The following TM9SF3 variants were observed in gnomAD, a reference collection of about 807,000 sequenced individuals.
The protein encoded by TM9SF3 is transmembrane 9 superfamily member 3, also known as SM-11044-binding protein.
Under a neutral mutation model 78.6 loss-of-function variants are expected in TM9SF3, and 14 were observed. The ratio of observed to expected loss-of-function variants is 0.18; its 90% CI spans 0.12 to 0.28. The LOEUF (loss-of-function observed/expected upper bound fraction) is 0.28, where lower values mean the gene tolerates loss of function less well. Among genes scored for constraint, TM9SF3 ranks in the 10% least tolerant of loss-of-function variants. The pLI, the probability that TM9SF3 is intolerant of heterozygous loss-of-function variation, is 1.00. For synonymous variants in TM9SF3, 231 were observed against 241.7 expected, an observed-to-expected ratio of 0.96 and a Z score of 0.41; for missense variants, 496 against 721.9, an observed-to-expected ratio of 0.69 and a Z score of 3.59.
In TM9SF3 at chr10:96,522,190, G is replaced by A; in HGVS notation, c.*73C>T. On this transcript the variant is annotated 3_prime_UTR_variant, in exon 15 of 15. Coordinates refer to ENST00000371142, the MANE Select transcript of TM9SF3 (RefSeq NM_020123.4). The stretch of plus-strand genomic sequence containing the variant: ...AAAGCCCAAATCTCTTCTTGCGTTT[G>A]TTTGTTTTTGCTGTGCAAGTTCCAC... 2.3e-6 allele frequency: 3 copies of A among 1,311,420 alleles called. No individual in the cohort carries two copies. Among genetic ancestry groups the A allele is most frequent in the Non-Finnish European group, 3.2e-6 (3 of 933,674 alleles). The allele number at this position is 1,311,420 out of a possible 1,614,324, so 81.2% of individuals were successfully genotyped here.
At chr10:96,581,654 C>A (rs1472418585) in intron 1 of TM9SF3, among the ~76,000 whole-genome samples, 1 of 152,196 alleles carries the variant, frequency 6.6e-6, no homozygotes, top group Non-Finnish European at 1.5e-5. Context: ...CTCACAAATT[C>A]ACTTATAGTA....
At chr10:96,585,560 G>A (rs923478160) in intron 1 of TM9SF3, among the ~76,000 whole-genome samples, 2 of 152,228 alleles carry the variant, frequency 1.3e-5, no homozygotes, top group Non-Finnish European at 2.9e-5. Flanking sequence ...GGCTGTGACC[G>A]AAGGTAGAAC....
intron 2 of TM9SF3, among the ~76,000 whole-genome samples, chr10:96,574,166 TC>T (rs1447700011): frequency 6.6e-6 from 1 of 152,132 alleles, no homozygotes; most frequent in Non-Finnish European, 1.5e-5. Flanking sequence ...ATTTTTGCAA[TC>T]AATCCATCTG....
At chr10:96,533,885 A>G (rs538484207) in intron 9 of TM9SF3, among the ~76,000 whole-genome samples, 1 of 152,336 alleles carries the variant, frequency 6.6e-6, no homozygotes, top group South Asian at 2.1e-4. Context: ...AATTAGAAAC[A>G]TTTATTTTTG....
chr10:96,527,624 C>T, intron 12 of TM9SF3, 128 bp from the exon 13 acceptor site: 2 of 671,324 alleles, frequency 3.0e-6, no homozygotes, highest in East Asian at 5.6e-5. Flanking sequence ...AAAACAAATG[C>T]ATAGACATGG....
intron 9 of TM9SF3, among the ~76,000 whole-genome samples, chr10:96,540,108 A>G (rs977838517): frequency 6.6e-6 from 1 of 152,186 alleles, no homozygotes; most frequent in African/African-American, 2.4e-5. Flanking sequence ...TGCTGCCTTC[A>G]TTATTTCATA....
chr10:96,564,175 C>A (rs1354929912), intron 3 of TM9SF3, among the ~76,000 whole-genome samples: 2 of 151,508 alleles, frequency 1.3e-5, no homozygotes, highest in African/African-American at 4.9e-5. Context: ...ACCGGTAGTC[C>A]CAGCTGCTCA....
intron 9 of TM9SF3, among the ~76,000 whole-genome samples, chr10:96,533,875 A>G (rs1026242628): frequency 2.0e-5 from 3 of 152,220 alleles, no homozygotes; most frequent in African/African-American, 7.2e-5. Flanking sequence ...CAAAGTGGCC[A>G]ATTAGAAACA....
At chr10:96,561,702 G>A (rs111784084) in intron 4 of TM9SF3, among the ~76,000 whole-genome samples, 86 of 152,274 alleles carry the variant, frequency 5.6e-4, no homozygotes, top group African/African-American at 1.8e-3. Context: ...ACATGACTGG[G>A]TTAGTCTAAT....
intron 2 of TM9SF3, among the ~76,000 whole-genome samples, chr10:96,565,802 G>A (rs917431245): frequency 5.3e-5 from 8 of 151,966 alleles, no homozygotes; most frequent in Admixed American, 2.0e-4. Context: ...TCAAGAATAT[G>A]GTCATAAACA....
chr10:96,586,946 AGAC>A lies in TM9SF3; in HGVS notation c.-114_-112del. On this transcript the variant is annotated 5_prime_UTR_variant, in exon 1 of 15. Transcript: ENST00000371142. ...CGATTCGCATCCACGGGGCGCGGAC[AGAC>A]GCACGGGGCCCGGCCCAGCCGCTGC... The A allele has an allele frequency of 1.1e-6, 1 of 881,108 alleles. No individual in the cohort carries two copies. The highest frequency in any genetic ancestry group is 5.0e-5 in the East Asian group (1 of 19,910). 54.6% of individuals were successfully genotyped at this position (881,108 alleles called of 1,614,324 possible).
At chr10:96,530,857 G>A (rs1007107870) in intron 10 of TM9SF3, among the ~76,000 whole-genome samples, 7 of 152,154 alleles carry the variant, frequency 4.6e-5, no homozygotes, top group Non-Finnish European at 1.0e-4. Context: ...ACAAATTACT[G>A]ACACTGGCAG....
chr10:96,535,453 G>C (rs1174184579), intron 9 of TM9SF3, among the ~76,000 whole-genome samples: 1 of 152,170 alleles, frequency 6.6e-6, no homozygotes, highest in African/African-American at 2.4e-5. Context: ...TATTAGATTT[G>C]TATTCATCAC....
intron 2 of TM9SF3, among the ~76,000 whole-genome samples, chr10:96,566,707 A>C (rs1848375150): frequency 6.6e-6 from 1 of 151,948 alleles, no homozygotes; most frequent in African/African-American, 2.4e-5. Flanking sequence ...AAACAACAAC[A>C]AAAAAAACCC....
intron 9 of TM9SF3, among the ~76,000 whole-genome samples, chr10:96,537,120 G>T (rs944176917): frequency 6.6e-6 from 1 of 152,190 alleles, no homozygotes; most frequent in Non-Finnish European, 1.5e-5. Flanking sequence ...TCAGTTGTAC[G>T]GGCAGGGGGT....
intron 2 of TM9SF3, among the ~76,000 whole-genome samples, chr10:96,575,419 T>C (rs1015503663): frequency 7.5e-5 from 11 of 147,246 alleles, no homozygotes; most frequent in Admixed American, 1.4e-4. Context: ...GGTTTAAATT[T>C]ACAACTTAAT....
At chr10:96,583,501 C>A (rs1469275933) in intron 1 of TM9SF3, among the ~76,000 whole-genome samples, 1 of 152,200 alleles carries the variant, frequency 6.6e-6, no homozygotes, top group Non-Finnish European at 1.5e-5. Context: ...CACTCAATAC[C>A]TAGTGCTTTA....
intron 5 of TM9SF3, among the ~76,000 whole-genome samples, chr10:96,557,715 G>T (rs559843158): frequency 3.2e-4 from 48 of 152,134 alleles, no homozygotes; most frequent in South Asian, 8.3e-4. Flanking sequence ...CCTCCACCTG[G>T]AATACTCTTT....
chr10:96,536,860 G>C (rs932943390), intron 9 of TM9SF3, among the ~76,000 whole-genome samples: 2 of 152,150 alleles, frequency 1.3e-5, no homozygotes, highest in Non-Finnish European at 2.9e-5. Context: ...TCACAGGCAC[G>C]ATCATAGAGC....
Sources: allele counts gnomAD v4.1 joint callset (sites outside exome capture counted in the v4.1 genomes callset), GRCh38; gene constraint gnomAD v4.1.1; transcripts MANE v1.5; gene names NCBI Gene and HGNC (gene_info 2026-07-23, HGNC 2026-07-21).